Variants in IKZF2 observed in about 807,000 individuals in gnomAD.
The protein encoded by IKZF2 is zinc finger protein Helios.
IKZF2 carries 15 observed loss-of-function variants against 49.2 expected under a neutral mutation model. The ratio of observed to expected loss-of-function variants is 0.30; its 90% CI spans 0.20 to 0.47. The LOEUF (loss-of-function observed/expected upper bound fraction) is 0.47. Ranked by LOEUF, IKZF2 falls within the 20% of genes least tolerant of loss-of-function variation. IKZF2 has a pLI of 1.00. For synonymous variants in IKZF2, 227 were observed against 221.4 expected, an observed-to-expected ratio of 1.03 and a Z score of -0.23; for missense variants, 567 against 664.6, an observed-to-expected ratio of 0.85 and a Z score of 1.61.
intron 3 of IKZF2, among the ~76,000 whole-genome samples, chr2:213,148,253 G>C (rs1205410322): frequency 6.6e-6 from 1 of 152,136 alleles, no homozygotes; most frequent in African/African-American, 2.4e-5. Flanking sequence ...GAAAAATTAG[G>C]TTACAGAGAA....
intron 1 of IKZF2, chr2:213,150,543 T>C (rs1022485113): frequency 4.6e-5 from 9 of 195,536 alleles, no homozygotes; most frequent in African/African-American, 1.9e-4. Context: ...GTAGGAAAAG[T>C]CACTCAGGAA....
At chr2:213,012,882 A>G (rs1696123625) in intron 8 of IKZF2, among the ~76,000 whole-genome samples, 1 of 152,038 alleles carries the variant, frequency 6.6e-6, no homozygotes, top group Admixed American at 6.6e-5. Flanking sequence ...TTTTTATCCT[A>G]ATAGATATAT....
At chr2:213,075,024 C>T (rs1454519049) in intron 4 of IKZF2, among the ~76,000 whole-genome samples, 2 of 152,128 alleles carry the variant, frequency 1.3e-5, no homozygotes, top group African/African-American at 2.4e-5. Flanking sequence ...AAGTGGCTTT[C>T]AAACTGTTCC....
intron 6 of IKZF2, 65 bp from the exon 7 acceptor site, chr2:213,022,195 C>T: frequency 2.8e-6 from 4 of 1,412,258 alleles, no homozygotes; most frequent in Non-Finnish European, 3.8e-6. Context: ...AAATCAATAG[C>T]TAACTTTTGA....
intron 7 of IKZF2, chr2:213,014,151 C>T: frequency 2.5e-6 from 1 of 393,322 alleles, no homozygotes; most frequent in East Asian, 3.9e-5. Flanking sequence ...CTCTTAAATC[C>T]ATGACATACA....
Position 213,080,323 on chromosome 2 carries a change from A to C in IKZF2, c.140-23224T>G, listed in dbSNP as rs1233501673. ...AACTTCTAAAGTTGGAAATTACTTT[A>C]AAATAATTTGGGAGGGAAAGTATTT... On this transcript the variant is annotated intron_variant, in intron 4 of 8. Transcript: ENST00000434687. 2.6e-5 allele frequency among the ~76,000 whole-genome samples: 4 copies of C among 152,300 alleles called. No individual in the cohort carries two copies. The South Asian group carries it at 8.3e-4, about 32-fold the overall frequency.
At chr2:213,013,539 T>C (rs1449307534) in intron 8 of IKZF2, among the ~76,000 whole-genome samples, 2 of 152,044 alleles carry the variant, frequency 1.3e-5, no homozygotes, top group African/African-American at 4.8e-5. Flanking sequence ...TTTTACATGT[T>C]ATTTCACTTT....
At chr2:213,018,879 G>A (rs1384396) in intron 7 of IKZF2, among the ~76,000 whole-genome samples, 33,629 of 152,022 alleles carry the variant, frequency 0.22, 4,096 homozygotes, top group Non-Finnish European at 0.26. Context: ...ACTCCTGCAT[G>A]TAAGAAGCCT....
chr2:213,147,216 T>C (rs10205196), intron 4 of IKZF2, among the ~76,000 whole-genome samples: 19,142 of 152,184 alleles, frequency 0.13, 2,786 homozygotes, highest in African/African-American at 0.36. Flanking sequence ...AAATGAGTTC[T>C]ATAAATTTTC....
chr2:213,126,431 G>T (rs2060261697), intron 4 of IKZF2, among the ~76,000 whole-genome samples: 1 of 152,090 alleles, frequency 6.6e-6, no homozygotes, highest in African/African-American at 2.4e-5. Flanking sequence ...ATAAACATTA[G>T]AGTTGTTTTT....
intron 4 of IKZF2, among the ~76,000 whole-genome samples, chr2:213,108,151 C>T (rs2059593151): frequency 6.6e-6 from 1 of 151,934 alleles, no homozygotes; most frequent in Admixed American, 6.6e-5. Context: ...TGGGTGCATG[C>T]TTTGATGTCA....
chr2:213,106,344 GAAA>G (rs550245534), intron 4 of IKZF2, among the ~76,000 whole-genome samples: 1 of 144,228 alleles, frequency 6.9e-6, no homozygotes, highest in Non-Finnish European at 1.5e-5. Context: ...CTACTCTTAC[GAAA>G]AAAAAAAATG....
intron 4 of IKZF2, among the ~76,000 whole-genome samples, chr2:213,138,721 T>C (rs2060765395): frequency 6.6e-6 from 1 of 152,038 alleles, no homozygotes; most frequent in South Asian, 2.1e-4. Context: ...AAAAGTTACT[T>C]AATTCACACT....
chr2:213,137,904 T>G (rs1248565926), intron 4 of IKZF2, among the ~76,000 whole-genome samples: 1 of 152,058 alleles, frequency 6.6e-6, no homozygotes, highest in African/African-American at 2.4e-5. Context: ...AAGTCCTGCA[T>G]GTTGAATGTC....
chr2:213,106,642 TAAAAAA>T (rs56160319), intron 4 of IKZF2, among the ~76,000 whole-genome samples: 3 of 126,664 alleles, frequency 2.4e-5, no homozygotes. Context: ...AAACCCTGTC[TAAAAAA>T]AAAAAAAAGA....
At chr2:213,056,710 G>A in intron 5 of IKZF2, 123 bp downstream of exon 5, 1 of 1,173,638 alleles carries the variant, frequency 8.5e-7, no homozygotes, top group Non-Finnish European at 1.2e-6. Flanking sequence ...AATACTAGCA[G>A]AATTCTGAAA....
chr2:213,048,020 GT>G (rs745852739), intron 6 of IKZF2, among the ~76,000 whole-genome samples: 5 of 151,994 alleles, frequency 3.3e-5, no homozygotes, highest in Non-Finnish European at 5.9e-5. Context: ...TAGCAACTCT[GT>G]TTTATGTTCT....
chr2:213,064,436 G>A lies in IKZF2; in HGVS notation c.140-7337C>T, dbSNP rs554522423. 2.6e-5 allele frequency among the ~76,000 whole-genome samples: 4 copies of A among 151,996 alleles called. No homozygotes were observed. The South Asian group carries it at 6.2e-4, about 24-fold the overall frequency. ...ACTTTCATGGAAAAAAAATGTAAAC[G>A]AATGGAGGGCAAAATATCTAACTTC... On this transcript the variant is annotated intron_variant, in intron 4 of 8. Transcript: ENST00000434687.
At chr2:213,113,930 T>C (rs1263145193) in intron 4 of IKZF2, among the ~76,000 whole-genome samples, 1 of 152,198 alleles carries the variant, frequency 6.6e-6, no homozygotes, top group Non-Finnish European at 1.5e-5. Context: ...GTGCTAGCAA[T>C]GGCCAGAATG....
Sources: allele counts gnomAD v4.1 joint callset (sites outside exome capture counted in the v4.1 genomes callset), GRCh38; gene constraint gnomAD v4.1.1; transcripts MANE v1.5; gene names NCBI Gene and HGNC (gene_info 2026-07-23, HGNC 2026-07-21).